Variants in NME7 observed in about 807,000 individuals in gnomAD.
NME7 encodes the protein NME/NM23 family member 7.
A neutral mutation model predicts 49.1 loss-of-function variants in NME7; 41 were observed. The observed-to-expected ratio is 0.83, with a 90% confidence interval of 0.65 to 1.08. The LOEUF is 1.08. Ranked by LOEUF, NME7 falls within the 50% of genes least tolerant of loss-of-function variation. The pLI is 0.00. For synonymous variants in NME7, 139 were observed against 150.6 expected (o/e 0.92, Z 0.56); for missense variants, 423 against 463.4 (o/e 0.91, Z 0.80).
intron 7 of NME7, among the ~76,000 whole-genome samples, chr1:169,254,090 G>A (rs1170595857): frequency 4.0e-5 from 6 of 150,112 alleles, no homozygotes; most frequent in Admixed American, 6.6e-5. Flanking sequence ...AATGAGTTAG[G>A]GAGGATTCCC....
rs184175443 is a variant in NME7, at chr1:169,243,841, T to C, written c.755-6154A>G. ...ACTAAGATAATGCCTATGAGGAAAG[T>C]ACTAGTATAATCTTCATTTTATAGA... On this transcript the variant is annotated intron_variant, in intron 7 of 11. Transcript: ENST00000367811. Among the ~76,000 whole-genome samples, 32 of 152,308 alleles carry C rather than the reference T, an allele frequency of 2.1e-4. No homozygotes were observed. The East Asian group carries it at 6.2e-3, about 29-fold the overall frequency.
intron 3 of NME7, among the ~76,000 whole-genome samples, chr1:169,315,422 G>A (rs1398952963): frequency 6.6e-6 from 1 of 151,634 alleles, no homozygotes; most frequent in Non-Finnish European, 1.5e-5. Context: ...CGCCTCCACG[G>A]CCGGCTAATT....
At chr1:169,134,358 G>A (rs758920971) in intron 11 of NME7, among the ~76,000 whole-genome samples, 9 of 152,130 alleles carry the variant, frequency 5.9e-5, no homozygotes, top group Non-Finnish European at 1.0e-4. Flanking sequence ...CATGGGTGTA[G>A]GGACAGTGCC....
chr1:169,252,099 T>C (rs1648651988), intron 7 of NME7, among the ~76,000 whole-genome samples: 1 of 149,680 alleles, frequency 6.7e-6, no homozygotes, highest in East Asian at 2.0e-4. Flanking sequence ...CTGGGTCAAA[T>C]GGTATTTCCA....
At chr1:169,229,059 G>T (rs1432789467) in intron 10 of NME7, among the ~76,000 whole-genome samples, 1 of 152,126 alleles carries the variant, frequency 6.6e-6, no homozygotes, top group East Asian at 1.9e-4. Flanking sequence ...TGACCTAGTT[G>T]CATCAAAGTA....
chr1:169,266,659 T>G (rs1413005573), intron 7 of NME7, among the ~76,000 whole-genome samples: 1 of 133,646 alleles, frequency 7.5e-6, no homozygotes, highest in Admixed American at 7.4e-5. Context: ...GAAGTCAACC[T>G]ATCCCTGTTT....
At chr1:169,147,940 C>T (rs1658806137) in intron 11 of NME7, among the ~76,000 whole-genome samples, 1 of 152,174 alleles carries the variant, frequency 6.6e-6, no homozygotes, top group African/African-American at 2.4e-5. Flanking sequence ...ATTGCTCATA[C>T]AATATTATTT....
rs140067767 is a variant in NME7, at chr1:169,185,843, G to A, written c.991-16289C>T. On this transcript the variant is annotated intron_variant, in intron 10 of 11. Transcript: ENST00000367811. ...AGCATGCAAAAACTTAGTTGTGAAT[G>A]TCTCTTCCTAGAGTTGATAAATACA... 6.2e-3 allele frequency among the ~76,000 whole-genome samples: 937 copies of A among 152,182 alleles called. 10 individuals carry two copies. Among genetic ancestry groups the A allele is most frequent in the African/African-American group, 0.021 (883 of 41,532 alleles).
intron 1 of NME7, among the ~76,000 whole-genome samples, chr1:169,355,091 TATATATTATAGATATAATATATAATATAC>T (rs1350500201): frequency 0.011 from 608 of 57,180 alleles, 92 homozygotes; most frequent in African/African-American, 0.036. Context: ...TATAATATAC[TATATATTATAGATATAATATATAATATAC>T]TATATATTAT....
At chr1:169,213,851 A>AC (rs1557991073) in intron 10 of NME7, among the ~76,000 whole-genome samples, 18 of 151,508 alleles carry the variant, frequency 1.2e-4, no homozygotes, top group Non-Finnish European at 1.8e-4. Context: ...ATATACACAC[A>AC]AACATACACA....
rs1661195802 is a variant in NME7, at chr1:169,223,137, C to A, written c.990+7581G>T. On this transcript the variant is annotated intron_variant, in intron 10 of 11. Transcript: ENST00000367811. ...CCTTTATATTTCTAAAGATTAGAGGCCATGGGCATGTCATATTTCTGTATA... is the reference window on the plus strand; with the variant it reads ...CCTTTATATTTCTAAAGATTAGAGGACATGGGCATGTCATATTTCTGTATA... 1.3e-5 allele frequency among the ~76,000 whole-genome samples: 2 copies of A among 152,186 alleles called. 1 individual carries two copies. Among genetic ancestry groups the A allele is most frequent in the Middle Eastern group, 6.8e-3 (2 of 292 alleles).
rs1253912754 is a variant in NME7, at chr1:169,258,482, T to A, written c.755-20795A>T. ...GTTAGCCTTTGCACAACATTTTTTTTAATAAACAGGTACGTTGATTTTTAC... is the reference window on the plus strand; with the variant it reads ...GTTAGCCTTTGCACAACATTTTTTTAAATAAACAGGTACGTTGATTTTTAC... On this transcript the variant is annotated intron_variant, in intron 7 of 11. Transcript: ENST00000367811. Among the ~76,000 whole-genome samples, 2 of 125,694 alleles carry A rather than the reference T, an allele frequency of 1.6e-5. 1 individual carries two copies. Among genetic ancestry groups the A allele is most frequent in the Non-Finnish European group, 3.7e-5 (2 of 54,142 alleles). 82.5% of individuals were successfully genotyped at this position (125,694 alleles called of 152,430 possible).
chr1:169,139,486 A>G (rs567060824), intron 11 of NME7, among the ~76,000 whole-genome samples: 2 of 152,356 alleles, frequency 1.3e-5, no homozygotes, highest in Admixed American at 1.3e-4. Flanking sequence ...TAGCCCTGCC[A>G]TCTCCTGGCC....
chr1:169,233,908 C>T (rs1015593167), intron 9 of NME7, among the ~76,000 whole-genome samples: 1 of 151,514 alleles, frequency 6.6e-6, no homozygotes. Flanking sequence ...CTTCCTTTTC[C>T]TCTCCCTCCT....
chr1:169,157,298 A>G (rs1659106118), intron 11 of NME7, among the ~76,000 whole-genome samples: 1 of 152,224 alleles, frequency 6.6e-6, no homozygotes, highest in African/African-American at 2.4e-5. Flanking sequence ...CTGGAGATAC[A>G]AAAGTCCCTT....
rs1653387802 is a variant in NME7, at chr1:169,355,188, TA to T, written c.3+12519del. ...ATATAATATATAATATACTATATAT[TA>T]TAGATATAATATATAATATATATTA... On this transcript the variant is annotated intron_variant, in intron 1 of 11. Transcript: ENST00000367811. Among the ~76,000 whole-genome samples the T allele has an allele frequency of 9.4e-5, 4 of 42,384 alleles. 2 individuals are homozygous for T. The highest frequency in any genetic ancestry group is 1.8e-4 in the Non-Finnish European group (4 of 22,236). The allele number at this position is 42,384 out of a possible 152,430, so 27.8% of individuals were successfully genotyped here. A position where few individuals can be genotyped will look rare whatever the true frequency, so the allele number is the denominator to read the frequency against.
intron 7 of NME7, among the ~76,000 whole-genome samples, chr1:169,266,380 C>G (rs927091385): frequency 1.5e-5 from 2 of 132,706 alleles, no homozygotes; most frequent in African/African-American, 2.5e-5. Flanking sequence ...GCAGAAAAAG[C>G]CTTTGATAAA....
At chr1:169,185,300 A>C (rs1282948086) in intron 10 of NME7, among the ~76,000 whole-genome samples, 1 of 152,114 alleles carries the variant, frequency 6.6e-6, no homozygotes, top group African/African-American at 2.4e-5. Context: ...ATTCCTTCAT[A>C]CACTTCTACA....
chr1:169,277,377 T>C lies in NME7; in HGVS notation c.754+9926A>G, dbSNP rs1366025053. On this transcript the variant is annotated intron_variant, in intron 7 of 11. Coordinates refer to ENST00000367811, the MANE Select transcript of NME7 (RefSeq NM_013330.5). ...TTTATGAATCTGGGTGCTCCTGTAT[T>C]GGGTGCAATATATTTAGGATAGTTA... 2.1e-5 allele frequency among the ~76,000 whole-genome samples: 3 copies of C among 142,808 alleles called. 1 individual carries two copies. The highest frequency in any genetic ancestry group is 4.6e-5 in the Non-Finnish European group (3 of 64,830). 93.7% of individuals were successfully genotyped at this position (142,808 alleles called of 152,430 possible). A position where few individuals can be genotyped will look rare whatever the true frequency, so the allele number is the denominator to read the frequency against.
Sources: allele counts gnomAD v4.1 joint callset (sites outside exome capture counted in the v4.1 genomes callset), GRCh38; gene constraint gnomAD v4.1.1; transcripts MANE v1.5; gene names NCBI Gene and HGNC (gene_info 2026-07-23, HGNC 2026-07-21).